Variants in GALNT13 observed in about 807,000 individuals in gnomAD.
GALNT13 encodes polypeptide N-acetylgalactosaminyltransferase 13.
GALNT13 carries 28 observed loss-of-function variants against 64.2 expected under a neutral mutation model. The observed-to-expected ratio is 0.44, with a 90% CI of 0.32 to 0.60. The LOEUF is 0.60. Ranked by LOEUF, GALNT13 falls within the 20% of genes least tolerant of loss-of-function variation. The pLI is 0.05. For missense variants in GALNT13, 577 were observed against 669.8 expected (o/e 0.86, Z 1.53); for synonymous variants, 214 against 224.6 (o/e 0.95, Z 0.42).
intron 4 of GALNT13, among the ~76,000 whole-genome samples, chr2:154,233,466 A>AGTTTATTG (rs1689034889): frequency 6.6e-6 from 1 of 152,156 alleles, no homozygotes; most frequent in African/African-American, 2.4e-5. Context: ...CTGTTTGAAC[A>AGTTTATTG]GTTTATTGTT....
the GALNT13 span, among the ~76,000 whole-genome samples, chr2:153,306,847 C>T: frequency 6.6e-6 from 1 of 152,180 alleles, no homozygotes; most frequent in Admixed American, 6.5e-5. Flanking sequence ...AGGGATTCTC[C>T]TGCCTCAGCC....
chr2:154,158,547 A>G (rs1489862255), intron 4 of GALNT13, among the ~76,000 whole-genome samples: 2 of 152,184 alleles, frequency 1.3e-5, no homozygotes, highest in Admixed American at 6.5e-5. Context: ...TCTGATCAAC[A>G]TAATAGTCAC....
At chr2:153,614,585 G>A in the GALNT13 span, among the ~76,000 whole-genome samples, 1 of 151,944 alleles carries the variant, frequency 6.6e-6, no homozygotes, top group Non-Finnish European at 1.5e-5. Flanking sequence ...AACAGTGACT[G>A]GGGTACCAAA....
At chr2:153,191,340 C>T in the GALNT13 span, among the ~76,000 whole-genome samples, 2 of 151,802 alleles carry the variant, frequency 1.3e-5, no homozygotes, top group Non-Finnish European at 2.9e-5. Flanking sequence ...TGGTTTTTGT[C>T]CTCTATTATG....
At chr2:153,279,290 A>G in the GALNT13 span, among the ~76,000 whole-genome samples, 5 of 152,142 alleles carry the variant, frequency 3.3e-5, no homozygotes, top group Admixed American at 3.3e-4. Flanking sequence ...GTATAGAACT[A>G]TATCATCAGT....
At chr2:153,479,248 C>T in the GALNT13 span, among the ~76,000 whole-genome samples, 1 of 152,164 alleles carries the variant, frequency 6.6e-6, no homozygotes, top group Non-Finnish European at 1.5e-5. Flanking sequence ...TGCTTGACTC[C>T]GACTCGCCTG....
intron 4 of GALNT13, among the ~76,000 whole-genome samples, chr2:154,167,443 TATTCGA>T (rs1457600754): frequency 6.6e-6 from 1 of 152,208 alleles, no homozygotes; most frequent in African/African-American, 2.4e-5. Context: ...AACTTTCAGA[TATTCGA>T]ATATTTGAAA....
chr2:153,542,602 C>T, the GALNT13 span, among the ~76,000 whole-genome samples: 24 of 152,224 alleles, frequency 1.6e-4, no homozygotes, highest in South Asian at 5.0e-3. Flanking sequence ...GGTGATCAGA[C>T]ATCACTTGAG....
chr2:153,541,577 G>A, the GALNT13 span, among the ~76,000 whole-genome samples: 1 of 152,098 alleles, frequency 6.6e-6, no homozygotes, highest in African/African-American at 2.4e-5. Context: ...CTTCTCCCCT[G>A]CGTTTCTGTG....
At chr2:153,597,339 A>G in the GALNT13 span, among the ~76,000 whole-genome samples, 1 of 152,132 alleles carries the variant, frequency 6.6e-6, no homozygotes, top group African/African-American at 2.4e-5. Flanking sequence ...ATATCTTTTA[A>G]AAGTATAAAT....
chr2:153,908,542 T>G (rs1688731646), intron 2 of GALNT13, among the ~76,000 whole-genome samples: 1 of 152,158 alleles, frequency 6.6e-6, no homozygotes, highest in Non-Finnish European at 1.5e-5. Context: ...TTTAAGTCTT[T>G]AATCCATCTT....
At chr2:153,101,913 C>T in the GALNT13 span, among the ~76,000 whole-genome samples, 603 of 152,336 alleles carry the variant, frequency 4.0e-3, 5 homozygotes, top group Non-Finnish European at 6.0e-3. Flanking sequence ...AATTTGAATA[C>T]TTTTCCATTT....
chr2:153,222,307 T>TGGGGGTGGGGGGCG, the GALNT13 span, among the ~76,000 whole-genome samples: 1 of 6,328 alleles, frequency 1.6e-4, no homozygotes, highest in African/African-American at 7.2e-4. Flanking sequence ...TGAGTCTGGC[T>TGGGGGTGGGGGGCG]GGGGGGGGGG....
the GALNT13 span, chr2:153,446,916 T>C: frequency 6.6e-6 from 1 of 152,182 alleles, no homozygotes; most frequent in Admixed American, 6.5e-5. Flanking sequence ...AGAATAGGAA[T>C]ATGGGGATAA....
At position 154,180,956 on chromosome 2, in the gene GALNT13, A is replaced by C. The variant is rs115292346; in HGVS notation, c.311+40451A>C. Among the ~76,000 whole-genome samples the C allele has an allele frequency of 6.9e-3, 1,047 of 152,266 alleles. 9 individuals are homozygous for C. The highest frequency in any genetic ancestry group is 0.024 in the African/African-American group (1,012 of 41,560). On this transcript the variant is annotated intron_variant, in intron 4 of 12. Coordinates refer to ENST00000392825, the MANE Select transcript of GALNT13 (RefSeq NM_052917.4). The stretch of plus-strand genomic sequence containing the variant: ...AAAAAAATAAAAACCATCAACCCTT[A>C]CCATTGGTGGGTTCCACATCCACAG...
chr2:153,582,056 G>A, the GALNT13 span, among the ~76,000 whole-genome samples: 1 of 152,120 alleles, frequency 6.6e-6, no homozygotes, highest in Non-Finnish European at 1.5e-5. Context: ...AGAGGGAAGT[G>A]CATTCTGTAA....
the GALNT13 span, among the ~76,000 whole-genome samples, chr2:153,222,914 C>G: frequency 6.6e-5 from 10 of 152,070 alleles, no homozygotes; most frequent in Non-Finnish European, 1.3e-4. Context: ...TCCAGAGAGG[C>G]GGCTGGGAAA....
chr2:154,100,848 C>T (rs1314806320), intron 3 of GALNT13, among the ~76,000 whole-genome samples: 1 of 151,950 alleles, frequency 6.6e-6, no homozygotes, highest in Non-Finnish European at 1.5e-5. Context: ...GTTTGTGATA[C>T]ATGGCTGCTA....
At chr2:153,886,009 C>T (rs1490230571) in intron 1 of GALNT13, among the ~76,000 whole-genome samples, 1 of 151,502 alleles carries the variant, frequency 6.6e-6, no homozygotes, top group Non-Finnish European at 1.5e-5. Context: ...GAGAGAGAGA[C>T]AGAGAGAGAG....
Sources: gnomAD v4.1 joint callset for allele counts (sites outside exome capture counted in the v4.1 genomes callset) on GRCh38, gnomAD v4.1.1 for gene constraint, MANE v1.5 for transcripts, NCBI Gene and HGNC (gene_info 2026-07-23, HGNC 2026-07-21) for gene names.